ANXA5: variants seen among roughly 807,000 people sequenced by gnomAD.
ANXA5 encodes the protein annexin A5.
In ANXA5, 40 loss-of-function variants were observed where a neutral mutation model predicts 48.1. The observed-to-expected ratio is 0.83, with a 90% confidence interval of 0.65 to 1.08. ANXA5 has a LOEUF of 1.08. Among genes scored for constraint, ANXA5 ranks in the 50% least tolerant of loss-of-function variants. The pLI, the probability that ANXA5 is intolerant of heterozygous loss-of-function variation, is 0.00. For synonymous variants in ANXA5, 113 were observed against 129.1 expected (o/e 0.88, Z 0.85); for missense variants, 357 against 376.8 (o/e 0.95, Z 0.44).
chr4:121,679,529 C>A (rs1426188954), intron 6 of ANXA5, among the ~76,000 whole-genome samples: 1 of 152,140 alleles, frequency 6.6e-6, no homozygotes, highest in African/African-American at 2.4e-5. Flanking sequence ...CTAATCCAGT[C>A]ATGCAAAACC....
At chr4:121,690,833 A>C (rs1396965867) in intron 2 of ANXA5, among the ~76,000 whole-genome samples, 1 of 152,226 alleles carries the variant, frequency 6.6e-6, no homozygotes, top group Non-Finnish European at 1.5e-5. Context: ...ATTGTGAAAC[A>C]CTTTTGCTAC....
intron 7 of ANXA5, 99 bp from the exon 8 acceptor site, chr4:121,678,049 T>C: frequency 1.1e-6 from 1 of 896,896 alleles, no homozygotes; most frequent in Non-Finnish European, 1.9e-6. Context: ...ACTCTTTCTC[T>C]AGGAATAATA....
At chr4:121,678,577 T>G in intron 6 of ANXA5, 83 bp from the exon 7 acceptor site, 1 of 1,123,918 alleles carries the variant, frequency 8.9e-7, no homozygotes, top group South Asian at 1.4e-5. Context: ...ATGAAAGCGA[T>G]GTAAAAGAAG....
At chr4:121,683,588 A>T in intron 4 of ANXA5, 111 bp from the exon 5 acceptor site, 1 of 604,978 alleles carries the variant, frequency 1.7e-6, no homozygotes, top group African/African-American at 1.9e-5. Flanking sequence ...TGCTGTCTCC[A>T]AGTAGAAGGC....
chr4:121,668,192 T>C lies in ANXA5; in HGVS notation c.*276A>G. On this transcript the variant is annotated 3_prime_UTR_variant, in exon 13 of 13. Coordinates refer to ENST00000296511, the MANE Select transcript of ANXA5 (RefSeq NM_001154.4). ...TTTTTAAAAAAGGCTAAAAGCACTC[T>C]AGCCTCTTAAAAAATATATATAAAT... 3.5e-6 allele frequency: 1 copy of C among 287,286 alleles called. No individual in the cohort carries two copies. Among genetic ancestry groups the C allele is most frequent in the Non-Finnish European group, 6.4e-6 (1 of 155,172 alleles). The allele number at this position is 287,286 out of a possible 1,614,324, so 17.8% of individuals were successfully genotyped here. A position where few individuals can be genotyped will look rare whatever the true frequency, so the allele number is the denominator to read the frequency against.
intron 5 of ANXA5, 113 bp from the exon 6 acceptor site, chr4:121,681,874 T>A: frequency 1.5e-6 from 1 of 659,312 alleles, no homozygotes; most frequent in Non-Finnish European, 2.6e-6. Context: ...TTATCCAGTA[T>A]AACATGGATT....
Position 121,680,202 on chromosome 4 carries a change from C to T in ANXA5, c.394+1469G>A, listed in dbSNP as rs532507614. Among the ~76,000 whole-genome samples the T allele has an allele frequency of 3.9e-5, 6 of 152,222 alleles. No homozygotes were observed. In the South Asian group the frequency reaches 8.3e-4, roughly 21 times the overall value. On this transcript the variant is annotated intron_variant, in intron 6 of 12. Coordinates refer to ENST00000296511, the MANE Select transcript of ANXA5 (RefSeq NM_001154.4). ...TTTGCATTATGTCCTCCACGTTTATCCATGATGTTGAAATGACAGGATTTC... is the reference window on the plus strand; with the variant it reads ...TTTGCATTATGTCCTCCACGTTTATTCATGATGTTGAAATGACAGGATTTC...
In ANXA5 at chr4:121,686,405, T is replaced by C. The variant is rs747704954; in HGVS notation, c.10-33A>G. 8 of 1,457,674 alleles carry C rather than the reference T, an allele frequency of 5.5e-6. No individual in the cohort carries two copies. The East Asian group carries it at 1.8e-4, about 33-fold the overall frequency. 90.3% of individuals were successfully genotyped at this position (1,457,674 alleles called of 1,614,324 possible). A position where few individuals can be genotyped will look rare whatever the true frequency, so the allele number is the denominator to read the frequency against. ...ACGAAACACAGTGGTATTATTCATA[T>C]CATGACTAATATGACAAAGTAAATA... On this transcript the variant is annotated intron_variant, in intron 2 of 12. Transcript: ENST00000296511.
At chr4:121,692,810 T>G (rs2110492323) in intron 2 of ANXA5, among the ~76,000 whole-genome samples, 1 of 152,356 alleles carries the variant, frequency 6.6e-6, no homozygotes, top group Admixed American at 6.5e-5. Context: ...TGGCAATGCA[T>G]CTATTATATC....
intron 2 of ANXA5, among the ~76,000 whole-genome samples, chr4:121,692,720 T>C (rs774921487): frequency 6.6e-6 from 1 of 152,210 alleles, no homozygotes; most frequent in Non-Finnish European, 1.5e-5. Context: ...TAACCTCAAT[T>C]TCCCCTTCTG....
chr4:121,688,821 T>A (rs1724935125), intron 2 of ANXA5, among the ~76,000 whole-genome samples: 2 of 152,124 alleles, frequency 1.3e-5, no homozygotes. Flanking sequence ...CAGCTTTCAC[T>A]CCCTCTGTGC....
chr4:121,691,876 G>T (rs1431299971), intron 2 of ANXA5, among the ~76,000 whole-genome samples: 1 of 152,192 alleles, frequency 6.6e-6, no homozygotes, highest in Admixed American at 6.5e-5. Flanking sequence ...GGAAATGTCA[G>T]TGTGACCTGA....
At chr4:121,692,347 A>C (rs1441020723) in intron 2 of ANXA5, among the ~76,000 whole-genome samples, 1 of 152,236 alleles carries the variant, frequency 6.6e-6, no homozygotes, top group Non-Finnish European at 1.5e-5. Flanking sequence ...TACCAGTGTA[A>C]GAATGACTTC....
At chr4:121,692,848 C>A (rs773205303) in intron 2 of ANXA5, among the ~76,000 whole-genome samples, 2 of 152,172 alleles carry the variant, frequency 1.3e-5, no homozygotes, top group Non-Finnish European at 2.9e-5. Context: ...TTTCCCATTG[C>A]GCTCATGTTT....
chr4:121,696,449 G>GTCCCC, intron 2 of ANXA5, 132 bp downstream of exon 2: 1 of 832,140 alleles, frequency 1.2e-6, no homozygotes, highest in Non-Finnish European at 1.6e-6. Flanking sequence ...CAAGAAAAGT[G>GTCCCC]GAAGCGATGT....
chr4:121,673,341 T>C (rs539183421), intron 8 of ANXA5, among the ~76,000 whole-genome samples: 18 of 152,338 alleles, frequency 1.2e-4, no homozygotes, highest in African/African-American at 3.1e-4. Context: ...AATCCACTTA[T>C]TGACGTGAGA....
intron 6 of ANXA5, among the ~76,000 whole-genome samples, chr4:121,679,165 G>A (rs747409152): frequency 2.0e-5 from 3 of 152,134 alleles, no homozygotes; most frequent in Non-Finnish European, 4.4e-5. Flanking sequence ...AAAAGCAAAC[G>A]AACTTTAAAA....
At chr4:121,680,858 T>C (rs192760627) in intron 6 of ANXA5, among the ~76,000 whole-genome samples, 6 of 152,196 alleles carry the variant, frequency 3.9e-5, no homozygotes, top group African/African-American at 1.2e-4. Flanking sequence ...AGAAAGGTAA[T>C]TATACAGTTG....
rs972442847 is a variant in ANXA5, at chr4:121,673,149, T to C, written c.532-523A>G. ...GTTTTCATATTTCCAAAGATCACAA[T>C]AAATTTTTAAAAGATTGTGGGTATA... On this transcript the variant is annotated intron_variant, in intron 8 of 12. Coordinates refer to ENST00000296511, the MANE Select transcript of ANXA5 (RefSeq NM_001154.4). Among the ~76,000 whole-genome samples, 9 of 152,310 alleles carry C rather than the reference T, an allele frequency of 5.9e-5. No individual in the cohort carries two copies. In the East Asian group the frequency reaches 1.4e-3, roughly 23 times the overall value.
Sources: gnomAD v4.1 joint callset for allele counts (sites outside exome capture counted in the v4.1 genomes callset) on GRCh38, gnomAD v4.1.1 for gene constraint, MANE v1.5 for transcripts, NCBI Gene and HGNC (gene_info 2026-07-23, HGNC 2026-07-21) for gene names.